Variants in SPATA17 observed in about 807,000 individuals in gnomAD.
The protein encoded by SPATA17 is spermatogenesis-associated protein 17.
A neutral mutation model predicts 62.2 loss-of-function variants in SPATA17; 53 were observed. The observed-to-expected ratio is 0.85, with a 90% CI of 0.68 to 1.07. SPATA17 has a LOEUF of 1.07. Ranked by LOEUF, SPATA17 falls within the 50% of genes least tolerant of loss-of-function variation. The pLI is 0.00. For missense variants in SPATA17, 466 were observed against 425.5 expected (o/e 1.10, Z -0.84); for synonymous variants, 146 against 146.8 (o/e 0.99, Z 0.04).
At chr1:217,805,066 G>A (rs914891775) in intron 9 of SPATA17, among the ~76,000 whole-genome samples, 9 of 152,130 alleles carry the variant, frequency 5.9e-5, no homozygotes, top group African/African-American at 2.2e-4. Context: ...ATATATTGAA[G>A]AGATATCTGC....
At chr1:217,669,635 T>C (rs2102897155) in intron 4 of SPATA17, among the ~76,000 whole-genome samples, 1 of 152,340 alleles carries the variant, frequency 6.6e-6, no homozygotes, top group Admixed American at 6.5e-5. Context: ...AAAAATATTA[T>C]TTCTTTTGTT....
chr1:217,698,997 T>C (rs1171249149), intron 5 of SPATA17, among the ~76,000 whole-genome samples: 1 of 152,228 alleles, frequency 6.6e-6, no homozygotes, highest in Non-Finnish European at 1.5e-5. Context: ...TGATTGACTT[T>C]TTTTCCACCC....
At chr1:217,681,698 T>A (rs1671088880) in intron 4 of SPATA17, among the ~76,000 whole-genome samples, 1 of 152,112 alleles carries the variant, frequency 6.6e-6, no homozygotes, top group Admixed American at 6.6e-5. Context: ...TGCCCAGCCA[T>A]GTTTAATATC....
chr1:217,759,395 G>A (rs1172443246), intron 6 of SPATA17, among the ~76,000 whole-genome samples: 1 of 152,062 alleles, frequency 6.6e-6, no homozygotes, highest in East Asian at 1.9e-4. Flanking sequence ...GGAGGCGGAG[G>A]TGGCAGTGAG....
intron 3 of SPATA17, among the ~76,000 whole-genome samples, chr1:217,655,771 A>C (rs190236064): frequency 5.4e-4 from 82 of 152,294 alleles, no homozygotes; most frequent in Non-Finnish European, 9.1e-4. Flanking sequence ...TGGTGCTCAA[A>C]TAGTCCTTCG....
At chr1:217,736,986 G>C (rs72728813) in intron 5 of SPATA17, among the ~76,000 whole-genome samples, 2 of 152,008 alleles carry the variant, frequency 1.3e-5, no homozygotes, top group African/African-American at 4.8e-5. Context: ...TTCCATTTGC[G>C]TGCTTTGGAA....
chr1:217,658,315 G>T (rs1670485575), intron 3 of SPATA17, among the ~76,000 whole-genome samples: 1 of 152,152 alleles, frequency 6.6e-6, no homozygotes, highest in South Asian at 2.1e-4. Flanking sequence ...GAGTCTGGCA[G>T]CTTGAACGGC....
At chr1:217,639,548 T>TA (rs1670010334) in intron 1 of SPATA17, among the ~76,000 whole-genome samples, 3 of 152,210 alleles carry the variant, frequency 2.0e-5, no homozygotes, top group Admixed American at 1.3e-4. Context: ...AATTTTCATT[T>TA]AATTAAAAAT....
intron 6 of SPATA17, among the ~76,000 whole-genome samples, chr1:217,747,945 T>G (rs1384811929): frequency 6.6e-6 from 1 of 152,222 alleles, no homozygotes; most frequent in Non-Finnish European, 1.5e-5. Flanking sequence ...CAAAATGGTT[T>G]CAGCTACTTC....
At position 217,865,324 on chromosome 1, in the gene SPATA17, C is replaced by T. The variant is rs1381017679; in HGVS notation, c.*3-1698C>T. Among the ~76,000 whole-genome samples the T allele has an allele frequency of 7.9e-5, 12 of 152,226 alleles. No homozygotes were observed. In the South Asian group the frequency reaches 1.7e-3, roughly 21 times the overall value. ...CCAATACTACATTTTCCCATCAGTCCGATTAGAAATAGTGATGCCTTTATC... is the reference window on the plus strand; with the variant it reads ...CCAATACTACATTTTCCCATCAGTCTGATTAGAAATAGTGATGCCTTTATC... On this transcript the variant is annotated intron_variant, in intron 10 of 10. Transcript: ENST00000366933.
At chr1:217,790,629 A>T (rs1394580385) in intron 8 of SPATA17, among the ~76,000 whole-genome samples, 1 of 151,950 alleles carries the variant, frequency 6.6e-6, no homozygotes, top group Non-Finnish European at 1.5e-5. Context: ...TTTAGTAGAG[A>T]CGGGGTTTCA....
chr1:217,866,029 G>A (rs556564804), intron 10 of SPATA17, among the ~76,000 whole-genome samples: 54 of 152,270 alleles, frequency 3.5e-4, no homozygotes, highest in African/African-American at 1.3e-3. Flanking sequence ...CCTGGACTGG[G>A]AAAGGGGTTA....
rs1054377325 is a variant in SPATA17, at chr1:217,869,421, T to A, written c.*2402T>A. The A allele has an allele frequency of 6.6e-6, 1 of 152,166 alleles. No homozygotes were observed. Among genetic ancestry groups the A allele is most frequent in the African/African-American group, 2.4e-5 (1 of 41,448 alleles). 9.4% of individuals were successfully genotyped at this position (152,166 alleles called of 1,614,324 possible). On this transcript the variant is annotated 3_prime_UTR_variant, in exon 11 of 11. Transcript: ENST00000366933. ...AGATTGTAAATGTTTCTTATCTGAC[T>A]TAAAAAGGTGTCAGACTCTTAGTAA...
chr1:217,677,543 A>G (rs1220445065), intron 4 of SPATA17, among the ~76,000 whole-genome samples: 1 of 152,078 alleles, frequency 6.6e-6, no homozygotes, highest in Non-Finnish European at 1.5e-5. Flanking sequence ...TGTTCTGGGC[A>G]TACAGAATGA....
intron 9 of SPATA17, among the ~76,000 whole-genome samples, chr1:217,826,487 T>C (rs1675004817): frequency 6.6e-6 from 1 of 152,266 alleles, no homozygotes; most frequent in African/African-American, 2.4e-5. Flanking sequence ...GTTTTCCAAG[T>C]ATATAATTAT....
chr1:217,783,907 G>A (rs1673792141), intron 8 of SPATA17, among the ~76,000 whole-genome samples: 1 of 151,890 alleles, frequency 6.6e-6, no homozygotes. Context: ...ATGACCCTTT[G>A]CTCTGAGGCT....
chr1:217,733,663 A>G (rs1672446950), intron 5 of SPATA17, among the ~76,000 whole-genome samples: 1 of 152,212 alleles, frequency 6.6e-6, no homozygotes, highest in Non-Finnish European at 1.5e-5. Context: ...GAATAAACAA[A>G]TGAGTGTTAA....
chr1:217,649,085 G>A, intron 2 of SPATA17, 114 bp downstream of exon 2: 1 of 660,090 alleles, frequency 1.5e-6, no homozygotes, highest in Admixed American at 3.2e-5. Flanking sequence ...TACTCATAAT[G>A]TAGTTGATAA....
chr1:217,724,476 T>A (rs1339782771), intron 5 of SPATA17, among the ~76,000 whole-genome samples: 1 of 152,028 alleles, frequency 6.6e-6, no homozygotes, highest in Non-Finnish European at 1.5e-5. Context: ...TAGTCCCAGC[T>A]ACTCAGGAGG....
Sources: allele counts gnomAD v4.1 joint callset (sites outside exome capture counted in the v4.1 genomes callset), GRCh38; gene constraint gnomAD v4.1.1; transcripts MANE v1.5; gene names NCBI Gene and HGNC (gene_info 2026-07-23, HGNC 2026-07-21).